Variants in UTP15 observed in about 807,000 individuals in gnomAD.
The protein encoded by UTP15 is UTP15 small subunit processome component.
Under a neutral mutation model 59.1 loss-of-function variants are expected in UTP15, and 5 were observed. That is an observed-to-expected ratio of 0.08 (90% CI 0.04 to 0.18). The LOEUF is 0.18. UTP15 is among the 10% of genes least tolerant of loss of function. The probability of loss-of-function intolerance (pLI) is 1.00; values close to 1 mark genes in which losing one functional copy is unlikely to be tolerated. For synonymous variants in UTP15, 211 were observed against 212.2 expected, an observed-to-expected ratio of 0.99 and a Z score of 0.05; for missense variants, 494 against 616.7, an observed-to-expected ratio of 0.80 and a Z score of 2.11.
chr5:73,572,729 A>G, intron 7 of UTP15, 105 bp downstream of exon 7: 1 of 1,158,690 alleles, frequency 8.6e-7, no homozygotes, highest in Non-Finnish European at 1.2e-6. Context: ...ACAGATAATG[A>G]TTTCCAGGAG....
intron 7 of UTP15, among the ~76,000 whole-genome samples, chr5:73,574,345 A>G (rs1161463104): frequency 6.6e-6 from 1 of 152,138 alleles, no homozygotes; most frequent in East Asian, 1.9e-4. Context: ...AATATTTTAT[A>G]AAAATTACTG....
chr5:73,577,178 A>C, intron 8 of UTP15, 142 bp downstream of exon 8: 1 of 691,940 alleles, frequency 1.4e-6, no homozygotes, highest in Non-Finnish European at 2.5e-6. Context: ...TTGCTGGAAT[A>C]TGTAACTCGT....
chr5:73,575,629 TCAAA>T (rs919687276), intron 7 of UTP15, among the ~76,000 whole-genome samples: 1 of 151,828 alleles, frequency 6.6e-6, no homozygotes, highest in South Asian at 2.1e-4. Flanking sequence ...ACTCCTGGGC[TCAAA>T]CAATCTGCTG....
chr5:73,570,434 T>C lies in UTP15; in HGVS notation c.548-152T>C, dbSNP rs113847542. The C allele has an allele frequency of 3.8e-4, 253 of 671,598 alleles. No homozygotes were observed. The African/African-American group carries it at 4.1e-3, about 11-fold the overall frequency. The allele number at this position is 671,598 out of a possible 1,614,324, so 41.6% of individuals were successfully genotyped here. Reference sequence around the variant, plus strand: ...TTCTTCAGACACGATCAGTAGTAGATGGTTTGGAGGTCCTGTGTCTTCATG... The same window carrying C: ...TTCTTCAGACACGATCAGTAGTAGACGGTTTGGAGGTCCTGTGTCTTCATG... On this transcript the variant is annotated intron_variant, in intron 5 of 12. Coordinates refer to ENST00000296792, the MANE Select transcript of UTP15 (RefSeq NM_032175.4).
intron 5 of UTP15, among the ~76,000 whole-genome samples, chr5:73,570,043 G>C (rs1046290546): frequency 1.3e-5 from 2 of 151,936 alleles, no homozygotes; most frequent in Admixed American, 1.3e-4. Flanking sequence ...TGTTGCCCAG[G>C]CTGGTCTCGA....
At chr5:73,573,992 ATAAAT>A (rs1433457075) in intron 7 of UTP15, among the ~76,000 whole-genome samples, 5 of 152,178 alleles carry the variant, frequency 3.3e-5, no homozygotes, top group Non-Finnish European at 5.9e-5. Flanking sequence ...GATACTAGAA[ATAAAT>A]TAAGCATCTA....
chr5:73,580,121 C>T lies in UTP15; in HGVS notation c.*27C>T, dbSNP rs371345501. ...GTCTGCTAAATAAGACATATAAGAA[C>T]TCTGAAGTTGGAATAGATTTGACTG... On this transcript the variant is annotated 3_prime_UTR_variant, in exon 13 of 13. Transcript: ENST00000296792. 1.3e-6 allele frequency: 2 copies of T among 1,586,394 alleles called. No individual in the cohort carries two copies. Among genetic ancestry groups the T allele is most frequent in the Admixed American group, 1.7e-5 (1 of 58,590 alleles).
At chr5:73,578,976 GC>G (rs750112243) in intron 10 of UTP15, 40 bp from the exon 11 acceptor site, 4 of 1,595,256 alleles carry the variant, frequency 2.5e-6, no homozygotes, top group Non-Finnish European at 3.4e-6. Flanking sequence ...TTTTTTTTGT[GC>G]TGTTTTGTCT....
chr5:73,566,819 C>T (rs570377374), intron 1 of UTP15, among the ~76,000 whole-genome samples: 38 of 152,298 alleles, frequency 2.5e-4, no homozygotes, highest in East Asian at 1.7e-3. Flanking sequence ...GTGTTTCTTA[C>T]TTCTTGGCAT....
intron 7 of UTP15, among the ~76,000 whole-genome samples, chr5:73,574,077 C>T (rs1748019212): frequency 6.6e-6 from 1 of 151,904 alleles, no homozygotes; most frequent in Non-Finnish European, 1.5e-5. Context: ...AATCCCAGTG[C>T]TTTGGGAGGC....
chr5:73,579,145 G>T lies in UTP15; in HGVS notation c.1275G>T (p.Leu425Phe). ...EKEISHVLNF[L>F]IRNLSQPRFA... ...AAATCAGTCATGTTCTTAATTTTTT[G>T]ATAAGGTATGTTTTTTGTCTGTGAA... The change falls in exon 11 of 13, where the codon TTG (leucine) becomes TTT (phenylalanine). Residue 425 changes from leucine (L) to phenylalanine (F), a missense_variant. Physicochemically the swap from Leu to Phe is conservative, Grantham distance 22. Transcript: ENST00000296792. 6.2e-7 allele frequency: 1 copy of T among 1,613,642 alleles called. No homozygotes were observed. Among genetic ancestry groups the T allele is most frequent in the South Asian group, 1.1e-5 (1 of 90,972 alleles).
chr5:73,575,613 T>C (rs983647248), intron 7 of UTP15, among the ~76,000 whole-genome samples: 1 of 151,670 alleles, frequency 6.6e-6, no homozygotes, highest in African/African-American at 2.4e-5. Context: ...CCCAGGCTGG[T>C]CTTGAACTCC....
chr5:73,578,505 G>T lies in UTP15; in HGVS notation c.1045-246G>T, dbSNP rs892654769. On this transcript the variant is annotated intron_variant, in intron 9 of 12. Coordinates refer to ENST00000296792, the MANE Select transcript of UTP15 (RefSeq NM_032175.4). ...ATTTTTACCTAGAATTAAGGCAATG[G>T]TGCATGTTGTAAGTTAAAATTATAA... 33 of 424,546 alleles carry T rather than the reference G, an allele frequency of 7.8e-5. No individual in the cohort carries two copies. The East Asian group carries it at 1.3e-3, about 17-fold the overall frequency. 26.3% of individuals were successfully genotyped at this position (424,546 alleles called of 1,614,324 possible).
intron 7 of UTP15, 116 bp downstream of exon 7, chr5:73,572,740 A>C: frequency 9.6e-7 from 1 of 1,047,076 alleles, no homozygotes; most frequent in Non-Finnish European, 1.3e-6. Context: ...TTTCCAGGAG[A>C]AAAAAACCTG....
rs1421049345 is a variant in UTP15, at chr5:73,579,871, T to C, written c.1340-6T>C. 2 of 1,571,116 alleles carry C rather than the reference T, an allele frequency of 1.3e-6. No homozygotes were observed. Among genetic ancestry groups the C allele is most frequent in the South Asian group, 1.2e-5 (1 of 83,698 alleles). On this transcript the variant is annotated splice_region_variant and splice_polypyrimidine_tract_variant and intron_variant, in intron 12 of 12. Coordinates refer to ENST00000296792, the MANE Select transcript of UTP15 (RefSeq NM_032175.4). Reference sequence around the variant, plus strand: ...TAGTTAATGTGTTTTCTTTCTCTCTTTTTAGATATATATCTGCCTGTAATT... The same window carrying C: ...TAGTTAATGTGTTTTCTTTCTCTCTCTTTAGATATATATCTGCCTGTAATT...
intron 1 of UTP15, 21 bp from the exon 2 acceptor site, chr5:73,567,241 A>T (rs1447741637): frequency 1.5e-6 from 1 of 645,374 alleles, no homozygotes; most frequent in South Asian, 2.8e-5. Flanking sequence ...TAATATGTAT[A>T]TAAAATATTT....
intron 4 of UTP15, 97 bp from the exon 5 acceptor site, chr5:73,569,400 C>T: frequency 1.0e-6 from 1 of 994,130 alleles, no homozygotes; most frequent in Admixed American, 3.5e-5. Flanking sequence ...AACTCAGCTG[C>T]TTTTTTTTTA....
At chr5:73,570,758 C>T (rs896486443) in intron 6 of UTP15, 47 bp downstream of exon 6, 23 of 1,601,660 alleles carry the variant, frequency 1.4e-5, no homozygotes, top group Non-Finnish European at 1.9e-5. Flanking sequence ...TTTTGAATCA[C>T]GTTTGTTTAA....
At chr5:73,573,358 G>C (rs1048001526) in intron 7 of UTP15, among the ~76,000 whole-genome samples, 1 of 148,240 alleles carries the variant, frequency 6.7e-6, no homozygotes, top group Non-Finnish European at 1.5e-5. Flanking sequence ...AGCGATTCTC[G>C]TGACCCAGCC....
Sources: allele counts gnomAD v4.1 joint callset (sites outside exome capture counted in the v4.1 genomes callset), GRCh38; gene constraint gnomAD v4.1.1; transcripts MANE v1.5; gene names NCBI Gene and HGNC (gene_info 2026-07-23, HGNC 2026-07-21).